MYO18B: variants seen among roughly 807,000 people sequenced by gnomAD.
The protein encoded by MYO18B is myosin XVIIIB, also known as unconventional myosin-XVIIIb.
MYO18B carries 204 observed loss-of-function variants against 273.0 expected under a neutral mutation model. The observed-to-expected ratio is 0.75, with a 90% confidence interval of 0.67 to 0.84. MYO18B has a LOEUF of 0.84. Ranked by LOEUF, MYO18B falls within the 40% of genes least tolerant of loss-of-function variation. The probability of loss-of-function intolerance (pLI) is 0.00; values close to 1 mark genes in which losing one functional copy is unlikely to be tolerated. For synonymous variants in MYO18B, 1,330 were observed against 1,305.7 expected (o/e 1.02, Z -0.40); for missense variants, 3,212 against 3,287.6 (o/e 0.98, Z 0.56).
chr22:25,811,033 A>G (rs1049787411), intron 12 of MYO18B, among the ~76,000 whole-genome samples: 1 of 150,994 alleles, frequency 6.6e-6, no homozygotes, highest in African/African-American at 2.4e-5. Flanking sequence ...TTCTTTTGTG[A>G]GACTGAGTCT....
intron 34 of MYO18B, among the ~76,000 whole-genome samples, chr22:25,944,717 G>A (rs891177563): frequency 1.2e-4 from 19 of 152,032 alleles, no homozygotes; most frequent in African/African-American, 3.6e-4. Flanking sequence ...CATGGTGGCA[G>A]GCGCCTGTAG....
chr22:25,933,790 T>G (rs911539929), intron 34 of MYO18B, among the ~76,000 whole-genome samples: 1 of 152,210 alleles, frequency 6.6e-6, no homozygotes, highest in East Asian at 1.9e-4. Context: ...TATGAACATT[T>G]TTTTGCACAT....
chr22:25,957,152 C>G (rs1331018131), intron 39 of MYO18B, among the ~76,000 whole-genome samples: 1 of 152,196 alleles, frequency 6.6e-6, no homozygotes, highest in African/African-American at 2.4e-5. Flanking sequence ...GAGGAGAGAA[C>G]ATCCCCAGCC....
rs1305502189 is a variant in MYO18B at position 25,903,643 on chromosome 22, G to A, written c.4960G>A (p.Glu1654Lys). ...TTTGTCTCTGTAGCAAAAGGAGCAGGAAGCCTCACAGCTGAAGCAGCAGGT... is the reference window on the plus strand; with the variant it reads ...TTTGTCTCTGTAGCAAAAGGAGCAGAAAGCCTCACAGCTGAAGCAGCAGGT... The part of the protein sequence containing the change: ...LQQQLKQKEQ[E>K]ASQLKQQVEM... Residue 1654 changes from glutamate to lysine, a missense_variant, in exon 31 of 44, where the codon GAA (glutamate) becomes AAA (lysine). By Grantham distance (56) the Glu-to-Lys change is moderately conservative (BLOSUM62 1). Coordinates refer to ENST00000335473, the MANE Select transcript of MYO18B (RefSeq NM_032608.7). 2 of 1,605,914 alleles carry A rather than the reference G, an allele frequency of 1.2e-6. No individual in the cohort carries two copies. Among genetic ancestry groups the A allele is most frequent in the Admixed American group, 3.4e-5 (2 of 58,962 alleles).
chr22:25,780,074 C>T lies in MYO18B; in HGVS notation c.2087C>T (p.Thr696Ile). The change falls in exon 9 of 44, where the codon ACC becomes ATC. Residue 696 changes from threonine to isoleucine, a missense_variant. Transcript: ENST00000335473. ...CCAACAGTGGAGAAGATCCGAGCCACCTTCACTGTCCTCCGGGCCTTCGGC... is the reference window on the plus strand; with the variant it reads ...CCAACAGTGGAGAAGATCCGAGCCATCTTCACTGTCCTCCGGGCCTTCGGC... The part of the protein sequence containing the change: ...GRVSVEKIRA[T>I]FTVLRAFGSV... 4 of 1,594,666 alleles carry T rather than the reference C, an allele frequency of 2.5e-6. No individual in the cohort carries two copies. The highest frequency in any genetic ancestry group is 3.4e-6 in the Non-Finnish European group (4 of 1,172,032).
At chr22:25,877,588 C>T (rs980208359) in intron 24 of MYO18B, among the ~76,000 whole-genome samples, 1 of 152,134 alleles carries the variant, frequency 6.6e-6, no homozygotes, top group Admixed American at 6.5e-5. Flanking sequence ...CTGCCTCAAG[C>T]CTCCCAAGTA....
At chr22:26,052,960 G>A in the MYO18B span, among the ~76,000 whole-genome samples, 2 of 151,600 alleles carry the variant, frequency 1.3e-5, no homozygotes, top group Non-Finnish European at 2.9e-5. Flanking sequence ...CTGCCACCAC[G>A]CCCAGCTAAT....
At chr22:25,763,709 A>G (rs963066311) in intron 3 of MYO18B, among the ~76,000 whole-genome samples, 1 of 152,238 alleles carries the variant, frequency 6.6e-6, no homozygotes, top group Non-Finnish European at 1.5e-5. Context: ...CTTAAGAGCA[A>G]CAATGATTTC....
At chr22:25,747,460 C>T (rs1221722966) in intron 1 of MYO18B, among the ~76,000 whole-genome samples, 1 of 152,232 alleles carries the variant, frequency 6.6e-6, no homozygotes, top group African/African-American at 2.4e-5. Context: ...CATCCTGGCA[C>T]TCAGCCACGA....
rs765280828 is a variant in MYO18B, at chr22:25,831,585, GT to G, written c.2980-1330del. Reference sequence around the variant, plus strand: ...TTTAGTAGCGATGGGGTTTCACCATGTTAGCCAGCCTAGTCTCTAATTCCTG... The same window carrying G: ...TTTAGTAGCGATGGGGTTTCACCATGTAGCCAGCCTAGTCTCTAATTCCTG... On this transcript the variant is annotated intron_variant, in intron 15 of 43. Coordinates refer to ENST00000335473, the MANE Select transcript of MYO18B (RefSeq NM_032608.7). 1.8e-4 allele frequency among the ~76,000 whole-genome samples: 28 copies of G among 152,202 alleles called. 2 individuals carry two copies. The South Asian group carries it at 5.2e-3, about 28-fold the overall frequency.
At chr22:25,823,774 G>A in intron 13 of MYO18B, 96 bp downstream of exon 13, 2 of 1,339,546 alleles carry the variant, frequency 1.5e-6, no homozygotes, top group Non-Finnish European at 2.1e-6. Flanking sequence ...TCAAAGATTT[G>A]TTAAGGGCCT....
chr22:25,884,468 C>T (rs1171129215), intron 25 of MYO18B, among the ~76,000 whole-genome samples: 1 of 152,176 alleles, frequency 6.6e-6, no homozygotes, highest in Admixed American at 6.5e-5. Context: ...TGAGCCTTCA[C>T]TGTTGGGACA....
intron 42 of MYO18B, chr22:26,006,536 G>A (rs938530972): frequency 8.3e-6 from 2 of 240,512 alleles, no homozygotes; most frequent in East Asian, 1.0e-4. Context: ...CGTATACAAT[G>A]TATAGTTTTT....
chr22:25,779,322 G>T (rs1206284554), intron 8 of MYO18B, among the ~76,000 whole-genome samples: 3 of 152,066 alleles, frequency 2.0e-5, no homozygotes, highest in Non-Finnish European at 4.4e-5. Context: ...AGCCACATGA[G>T]GACTAGATTT....
chr22:25,753,508 A>G (rs998794059), intron 1 of MYO18B, among the ~76,000 whole-genome samples: 3 of 152,282 alleles, frequency 2.0e-5, no homozygotes, highest in Admixed American at 6.5e-5. Flanking sequence ...CAGCACCAGC[A>G]CTGGTAACCC....
At chr22:25,968,345 A>AT (rs1296410698) in intron 39 of MYO18B, among the ~76,000 whole-genome samples, 1 of 152,152 alleles carries the variant, frequency 6.6e-6, no homozygotes, top group Non-Finnish European at 1.5e-5. Flanking sequence ...AGAAGAATAG[A>AT]TTCCCCCAAG....
At chr22:25,983,179 G>A (rs2093166886) in intron 39 of MYO18B, 1 of 152,056 alleles carries the variant, frequency 6.6e-6, no homozygotes, top group African/African-American at 2.4e-5. Context: ...GGTCAGCCAG[G>A]GCAACATAGT....
intron 34 of MYO18B, among the ~76,000 whole-genome samples, chr22:25,926,904 C>G (rs1362259051): frequency 6.6e-6 from 1 of 152,140 alleles, no homozygotes. Context: ...ATTAGTTCCC[C>G]AAATTAATAC....
chr22:25,836,982 T>C (rs2089923279), intron 17 of MYO18B, among the ~76,000 whole-genome samples: 1 of 143,550 alleles, frequency 7.0e-6, no homozygotes, highest in Admixed American at 7.0e-5. Context: ...ATAATAATAA[T>C]AATAATAATA....
Sources: gnomAD v4.1 joint callset for allele counts (sites outside exome capture counted in the v4.1 genomes callset) on GRCh38, gnomAD v4.1.1 for gene constraint, MANE v1.5 for transcripts, NCBI Gene and HGNC (gene_info 2026-07-23, HGNC 2026-07-21) for gene names.